The following TIAM1 variants were observed in gnomAD, a reference collection of about 807,000 sequenced individuals.
The protein encoded by TIAM1 is rho guanine nucleotide exchange factor TIAM1.
A neutral mutation model predicts 163.5 loss-of-function variants in TIAM1; 65 were observed. The ratio of observed to expected loss-of-function variants is 0.40; its 90% confidence interval spans 0.33 to 0.49. TIAM1 has a LOEUF of 0.49. Ranked by LOEUF, TIAM1 falls within the 20% of genes least tolerant of loss-of-function variation. TIAM1 has a pLI of 0.77. For missense variants in TIAM1, 1,789 were observed against 2,044.7 expected, an observed-to-expected ratio of 0.87 and a Z score of 2.41; for synonymous variants, 833 against 810.1, an observed-to-expected ratio of 1.03 and a Z score of -0.48.
At chr21:31,298,320 T>G (rs2074368387) in intron 2 of TIAM1, among the ~76,000 whole-genome samples, 1 of 152,218 alleles carries the variant, frequency 6.6e-6, no homozygotes, top group African/African-American at 2.4e-5. Flanking sequence ...GGATTTCACT[T>G]TATTTAACCT....
chr21:31,225,689 C>A, intron 7 of TIAM1, 37 bp downstream of exon 7: 1 of 1,510,956 alleles, frequency 6.6e-7, no homozygotes, highest in South Asian at 1.2e-5. Flanking sequence ...AGAGACCTAA[C>A]AATTTTGTCC....
intron 2 of TIAM1, among the ~76,000 whole-genome samples, chr21:31,457,275 A>G (rs2045141148): frequency 6.6e-6 from 1 of 152,258 alleles, no homozygotes; most frequent in African/African-American, 2.4e-5. Context: ...AAACACCCAG[A>G]CGGTCATTGC....
At chr21:31,194,724 A>C (rs933591995) in intron 13 of TIAM1, among the ~76,000 whole-genome samples, 9 of 152,344 alleles carry the variant, frequency 5.9e-5, no homozygotes, top group Non-Finnish European at 8.8e-5. Context: ...CAAAATAAGT[A>C]GGTCCCCTCT....
At chr21:31,179,526 C>A (rs1320888458) in intron 15 of TIAM1, among the ~76,000 whole-genome samples, 1 of 150,016 alleles carries the variant, frequency 6.7e-6, no homozygotes, top group Admixed American at 6.6e-5. Flanking sequence ...ATATCAGCTC[C>A]GAGTTATGGC....
intron 2 of TIAM1, among the ~76,000 whole-genome samples, chr21:31,421,516 C>A (rs1427241293): frequency 6.6e-6 from 1 of 152,174 alleles, no homozygotes; most frequent in African/African-American, 2.4e-5. Context: ...GGAGCATGAA[C>A]CCTGTTGTGA....
At chr21:31,148,177 C>T (rs957959491) in intron 19 of TIAM1, among the ~76,000 whole-genome samples, 3 of 152,034 alleles carry the variant, frequency 2.0e-5, no homozygotes, top group Non-Finnish European at 4.4e-5. Flanking sequence ...GTACTGCCAT[C>T]GGACTCTGTG....
chr21:31,521,564 C>T lies in TIAM1; in HGVS notation c.-422+37363G>A, dbSNP rs550125204. ...CAGCCTGGGTAATATAGCAATACCC[C>T]ATCTCAACAAAAAATTTAAAAACTT... On this transcript the variant is annotated intron_variant, in intron 1 of 28. Coordinates refer to the TIAM1 transcript ENST00000286827. Among the ~76,000 whole-genome samples the T allele has an allele frequency of 3.3e-5, 5 of 152,086 alleles. 1 individual carries two copies. In the South Asian group the frequency reaches 8.3e-4, roughly 25 times the overall value.
chr21:31,266,158 A>G lies in TIAM1; in HGVS notation c.815T>C (p.Met272Thr). 6.2e-7 allele frequency: 1 copy of G among 1,614,156 alleles called. No individual in the cohort carries two copies. Among genetic ancestry groups the G allele is most frequent in the African/African-American group, 1.3e-5 (1 of 75,024 alleles). The change falls in exon 4 of 28, where the codon ATG becomes ACG. Residue 272 changes from methionine to threonine, a missense_variant. By Grantham distance (81) the Met-to-Thr change is moderately conservative. Transcript: ENST00000541036. ...AGTCTCTTCAGCAGCAGCTGGTGGC[A>G]TCTTATGGTTTGCAAGATTGGGAAT... The part of the protein sequence containing the change: ...SDIPNLANHK[M>T]PPAAAEETPP...
chr21:31,509,756 G>A (rs1019400456), intron 1 of TIAM1, among the ~76,000 whole-genome samples: 1 of 152,150 alleles, frequency 6.6e-6, no homozygotes. Flanking sequence ...TTGCAACAAA[G>A]ACGGGGCTGC....
intron 2 of TIAM1, among the ~76,000 whole-genome samples, chr21:31,374,842 C>T (rs1043073377): frequency 1.3e-5 from 2 of 152,140 alleles, no homozygotes; most frequent in Non-Finnish European, 2.9e-5. Flanking sequence ...AACAAATATT[C>T]GTTATTCCTC....
chr21:31,480,832 C>A (rs187988380), intron 1 of TIAM1, among the ~76,000 whole-genome samples: 1 of 152,212 alleles, frequency 6.6e-6, no homozygotes, highest in Middle Eastern at 3.2e-3. Context: ...TGGCTTACTG[C>A]AACCTCCGTC....
chr21:31,424,746 G>A (rs1383715703), intron 2 of TIAM1, among the ~76,000 whole-genome samples: 2 of 152,186 alleles, frequency 1.3e-5, no homozygotes, highest in East Asian at 3.8e-4. Flanking sequence ...GTACTGAACT[G>A]TACACATCAA....
intron 2 of TIAM1, among the ~76,000 whole-genome samples, chr21:31,313,628 C>A (rs1369777689): frequency 6.6e-6 from 1 of 152,130 alleles, no homozygotes; most frequent in Non-Finnish European, 1.5e-5. Context: ...AGGCTGCCAT[C>A]CAGTGGCGCA....
At chr21:31,149,130 A>C (rs2083270596) in intron 19 of TIAM1, among the ~76,000 whole-genome samples, 1 of 152,188 alleles carries the variant, frequency 6.6e-6, no homozygotes, top group Admixed American at 6.5e-5. Context: ...TACAGATGGA[A>C]TGGAGACAAT....
At chr21:31,147,837 G>A (rs865884334) in intron 19 of TIAM1, among the ~76,000 whole-genome samples, 7 of 142,938 alleles carry the variant, frequency 4.9e-5, no homozygotes, top group South Asian at 2.2e-4. Context: ...GTTTCACACT[G>A]AAAGAGTCTT....
At chr21:31,218,507 T>C (rs1213075614) in intron 8 of TIAM1, among the ~76,000 whole-genome samples, 1 of 151,052 alleles carries the variant, frequency 6.6e-6, no homozygotes, top group Admixed American at 6.6e-5. Flanking sequence ...AGATGGAGGT[T>C]GCAGTGAGCT....
intron 2 of TIAM1, among the ~76,000 whole-genome samples, chr21:31,379,753 G>A (rs2076746515): frequency 1.3e-5 from 2 of 152,162 alleles, no homozygotes; most frequent in African/African-American, 4.8e-5. Flanking sequence ...AACATGCCAA[G>A]TGAAAGAAGC....
At chr21:31,198,303 C>T (rs1053553422) in intron 12 of TIAM1, among the ~76,000 whole-genome samples, 1 of 152,132 alleles carries the variant, frequency 6.6e-6, no homozygotes, top group Non-Finnish European at 1.5e-5. Context: ...CCTGAGAAAG[C>T]GTTTGCTATA....
In TIAM1 at chr21:31,527,429, G is replaced by C. The variant is rs145840268; in HGVS notation, c.-422+31498C>G. ...AAAATAGAGGGCCTGATTTCAAGTG[G>C]AAGTGATTTTAAACTACAATCTATT... is the stretch of plus-strand genomic sequence containing the variant. On this transcript the variant is annotated intron_variant, in intron 1 of 28. Coordinates refer to the TIAM1 transcript ENST00000286827. Among the ~76,000 whole-genome samples, 3 of 152,232 alleles carry C rather than the reference G, an allele frequency of 2.0e-5. No individual in the cohort carries two copies. The East Asian group carries it at 5.8e-4, about 29-fold the overall frequency.
Sources: allele counts gnomAD v4.1 joint callset (sites outside exome capture counted in the v4.1 genomes callset), GRCh38; gene constraint gnomAD v4.1.1; transcripts MANE v1.5; gene names NCBI Gene and HGNC (gene_info 2026-07-23, HGNC 2026-07-21).